MEF2C: variants seen among roughly 807,000 people sequenced by gnomAD.
MEF2C encodes myocyte-specific enhancer factor 2C.
In MEF2C, 6 loss-of-function variants were observed where a neutral mutation model predicts 50.5. The observed-to-expected ratio is 0.12, with a 90% CI of 0.07 to 0.23. MEF2C has a LOEUF of 0.23. Ranked by LOEUF, MEF2C falls within the 10% of genes least tolerant of loss-of-function variation. The pLI, the probability that MEF2C is intolerant of heterozygous loss-of-function variation, is 1.00. For synonymous variants in MEF2C, 183 were observed against 228.0 expected, an observed-to-expected ratio of 0.80 and a Z score of 1.78; for missense variants, 276 against 605.0, an observed-to-expected ratio of 0.46 and a Z score of 5.70.
rs552859290 is a variant in MEF2C at position 88,807,892 on chromosome 5, C to T, written c.55-3091G>A. Among the ~76,000 whole-genome samples the T allele has an allele frequency of 7.9e-5, 12 of 152,192 alleles. No individual in the cohort carries two copies. The South Asian group carries it at 1.2e-3, about 16-fold the overall frequency. The stretch of plus-strand genomic sequence containing the variant: ...CAACTAGTCAATATTTACTCAGTTA[C>T]GTTATTTACATTTCAACTTGGATAA... On this transcript the variant is annotated intron_variant, in intron 2 of 10. Coordinates refer to ENST00000504921, the MANE Select transcript of MEF2C (RefSeq NM_002397.5).
intron 2 of MEF2C, among the ~76,000 whole-genome samples, chr5:88,819,855 CA>C (rs1459438873): frequency 6.6e-6 from 1 of 151,844 alleles, no homozygotes; most frequent in African/African-American, 2.4e-5. Flanking sequence ...GTAGTTGAGA[CA>C]AAAACTATAT....
chr5:88,827,215 C>G (rs191496924), intron 1 of MEF2C: 1 of 152,014 alleles, frequency 6.6e-6, no homozygotes, highest in African/African-American at 2.4e-5. Context: ...GTGACACATA[C>G]CTCCCCCCTC....
intron 1 of MEF2C, among the ~76,000 whole-genome samples, chr5:88,851,237 A>C (rs1402593729): frequency 1.3e-5 from 2 of 148,310 alleles, no homozygotes; most frequent in South Asian, 4.3e-4. Context: ...ATCTCACAAA[A>C]AAAAAAAAAA....
chr5:88,756,721 T>C (rs1468337554), intron 4 of MEF2C, among the ~76,000 whole-genome samples: 1 of 152,184 alleles, frequency 6.6e-6, no homozygotes. Context: ...TTCTAAGAAA[T>C]TGGCATTATT....
At chr5:88,756,615 T>A (rs1318420102) in intron 4 of MEF2C, among the ~76,000 whole-genome samples, 1 of 152,196 alleles carries the variant, frequency 6.6e-6, no homozygotes, top group African/African-American at 2.4e-5. Flanking sequence ...TGACCTTGAT[T>A]TTCTTATCTA....
intron 6 of MEF2C, among the ~76,000 whole-genome samples, chr5:88,747,388 G>A (rs1371366034): frequency 2.1e-5 from 1 of 47,258 alleles, no homozygotes; most frequent in African/African-American, 5.8e-5. Context: ...TCGCTCTGTC[G>A]CCCAGGCTGG....
intron 6 of MEF2C, chr5:88,743,351 A>G (rs903730761): frequency 2.0e-6 from 2 of 985,280 alleles, no homozygotes; most frequent in Non-Finnish European, 2.4e-6. Context: ...ATTGCAGAGA[A>G]GTCTTTCTGG....
intron 3 of MEF2C, chr5:88,781,003 TG>T (rs911216442): frequency 1.1e-6 from 1 of 920,910 alleles, no homozygotes; most frequent in Non-Finnish European, 1.3e-6. Context: ...CCCCTCTATT[TG>T]GCAGAGTTCC....
chr5:88,838,205 T>C (rs1335865188), intron 1 of MEF2C, among the ~76,000 whole-genome samples: 1 of 152,158 alleles, frequency 6.6e-6, no homozygotes, highest in Non-Finnish European at 1.5e-5. Flanking sequence ...CAGGAGTTGG[T>C]GGAATCTACA....
intron 6 of MEF2C, chr5:88,746,677 T>TA (rs1408845013): frequency 1.0e-6 from 1 of 985,306 alleles, no homozygotes; most frequent in Non-Finnish European, 1.2e-6. Flanking sequence ...CCTCTGGTGT[T>TA]ATGTGATTCT....
At chr5:88,766,568 A>G in intron 3 of MEF2C, 1 of 908,008 alleles carries the variant, frequency 1.1e-6, no homozygotes, top group South Asian at 5.1e-5. Context: ...AAAGCTTTCA[A>G]CCACTCAATT....
chr5:88,772,544 T>G (rs1183570751), intron 3 of MEF2C, among the ~76,000 whole-genome samples: 1 of 152,240 alleles, frequency 6.6e-6, no homozygotes, highest in Non-Finnish European at 1.5e-5. Context: ...CAGTTTTCAA[T>G]TTGGGACAGC....
intron 2 of MEF2C, 66 bp from the exon 3 acceptor site, chr5:88,804,867 CTTTTT>C: frequency 7.5e-7 from 1 of 1,330,910 alleles, no homozygotes; most frequent in Non-Finnish European, 1.0e-6. Context: ...TTTTTCTTTT[CTTTTT>C]TCTTTTCCTT....
chr5:88,731,173 C>A (rs1761357501), intron 7 of MEF2C, among the ~76,000 whole-genome samples: 1 of 152,064 alleles, frequency 6.6e-6, no homozygotes, highest in African/African-American at 2.4e-5. Context: ...TGAGAGATAG[C>A]TATTTTCATG....
At position 88,738,011 on chromosome 5, in the gene MEF2C, T is replaced by G; in HGVS notation, c.638-6110A>C. On this transcript the variant is annotated intron_variant, in intron 6 of 10. Transcript: ENST00000504921. ...AGAAGCTAGTTAGAACGCCTTGCTC[T>G]AGAATACATGAGAAATGATGTCTGA... 3 of 985,368 alleles carry G rather than the reference T, an allele frequency of 3.0e-6. No individual in the cohort carries two copies. The South Asian group carries it at 1.4e-4, about 46-fold the overall frequency. 61.0% of individuals were successfully genotyped at this position (985,368 alleles called of 1,614,324 possible).
In MEF2C at chr5:88,720,660, C is replaced by A. The variant is rs369997057; in HGVS notation, c.*1944G>T. On this transcript the variant is annotated 3_prime_UTR_variant, in exon 11 of 11. Transcript: ENST00000504921. The stretch of plus-strand genomic sequence containing the variant: ...AGATGAATCGACAGATCTTCACATT[C>A]CAAGAGAAGGAAAATCTTTCCTAGA... 39 of 152,562 alleles carry A rather than the reference C, an allele frequency of 2.6e-4. No homozygotes were observed. In the East Asian group the frequency reaches 5.0e-3, roughly 20 times the overall value. 9.5% of individuals were successfully genotyped at this position (152,562 alleles called of 1,614,324 possible).
chr5:88,740,829 G>T (rs1766349906), intron 6 of MEF2C: 1 of 985,256 alleles, frequency 1.0e-6, no homozygotes, highest in Non-Finnish European at 1.2e-6. Context: ...TCATTTAATT[G>T]TTCACTTCTT....
At chr5:88,847,885 T>A (rs1819892401) in intron 1 of MEF2C, among the ~76,000 whole-genome samples, 1 of 152,188 alleles carries the variant, frequency 6.6e-6, no homozygotes, top group African/African-American at 2.4e-5. Flanking sequence ...TGGTAATGAC[T>A]TGGATCACAA....
intron 3 of MEF2C, among the ~76,000 whole-genome samples, chr5:88,771,130 G>C (rs1782214723): frequency 1.3e-5 from 2 of 152,190 alleles, no homozygotes; most frequent in South Asian, 4.1e-4. Context: ...ACCAGCATGG[G>C]AATGATCCAT....
Sources: allele counts gnomAD v4.1 joint callset (sites outside exome capture counted in the v4.1 genomes callset), GRCh38; gene constraint gnomAD v4.1.1; transcripts MANE v1.5; gene names NCBI Gene and HGNC (gene_info 2026-07-23, HGNC 2026-07-21).